Variants in CACNA2D3 observed in about 807,000 individuals in gnomAD.
CACNA2D3 encodes the protein calcium voltage-gated channel auxiliary subunit alpha2delta 3, also known as voltage-dependent calcium channel subunit alpha-2/delta-3.
CACNA2D3 carries 60 observed loss-of-function variants against 160.6 expected under a neutral mutation model. That is an observed-to-expected ratio of 0.37 (90% CI 0.30 to 0.46). The LOEUF is 0.46. CACNA2D3 is among the 20% of genes least tolerant of loss of function. CACNA2D3 has a pLI of 1.00. For missense variants in CACNA2D3, 1,205 were observed against 1,365.0 expected (o/e 0.88, Z 1.85); for synonymous variants, 558 against 492.9 (o/e 1.13, Z -1.75).
Position 54,887,997 on chromosome 3 carries a change from G to T in CACNA2D3, c.2095G>T (p.Val699Leu), listed in dbSNP as rs1699966099. The change falls in exon 24 of 38, where the codon GTG becomes TTG. Residue 699 changes from valine (V) to leucine (L), a missense_variant. This residue lies in a region of CACNA2D3 where 911 missense variants were observed against 1,002.2 expected (regional missense o/e 0.91). Coordinates refer to ENST00000474759, the MANE Select transcript of CACNA2D3 (RefSeq NM_018398.3). ...ELIQEVLFDA[V>L]VSAPIEAYWT... is the part of the protein sequence containing the mutation. ...GATCCAAGAAGTCCTTTTTGACGCG[G>T]TGGTGAGTGCCCCCATTGAAGCGTA... 2 of 1,613,806 alleles carry T rather than the reference G, an allele frequency of 1.2e-6. No individual in the cohort carries two copies. The highest frequency in any genetic ancestry group is 1.7e-6 in the Non-Finnish European group (2 of 1,179,866).
chr3:54,715,474 A>G (rs1001989694), intron 11 of CACNA2D3, among the ~76,000 whole-genome samples: 1 of 151,936 alleles, frequency 6.6e-6, no homozygotes, highest in Admixed American at 6.6e-5. Context: ...TTGTTTATTA[A>G]CTCAACATTC....
At chr3:54,750,925 A>C (rs10865989) in intron 11 of CACNA2D3, among the ~76,000 whole-genome samples, 64,258 of 151,656 alleles carry the variant, frequency 0.42, 14,707 homozygotes, top group East Asian at 0.52. Flanking sequence ...GCATGCCACC[A>C]TGCACAGCTA....
chr3:54,324,156 T>G (rs1259407324), intron 3 of CACNA2D3, among the ~76,000 whole-genome samples: 2 of 152,220 alleles, frequency 1.3e-5, no homozygotes, highest in African/African-American at 4.8e-5. Context: ...TAATGTAGCC[T>G]GTCATCTCCT....
At chr3:54,870,643 C>T (rs531274935) in intron 17 of CACNA2D3, among the ~76,000 whole-genome samples, 1 of 152,246 alleles carries the variant, frequency 6.6e-6, no homozygotes, top group East Asian at 1.9e-4. Flanking sequence ...TGACTAACAC[C>T]AGTGATTTAG....
chr3:54,470,989 A>G (rs567636301), intron 4 of CACNA2D3, among the ~76,000 whole-genome samples: 2 of 152,224 alleles, frequency 1.3e-5, no homozygotes, highest in African/African-American at 2.4e-5. Flanking sequence ...ACCACTGTCA[A>G]TATTAGATCA....
At chr3:54,438,187 G>A (rs1414402252) in intron 4 of CACNA2D3, among the ~76,000 whole-genome samples, 1 of 152,166 alleles carries the variant, frequency 6.6e-6, no homozygotes, top group Non-Finnish European at 1.5e-5. Flanking sequence ...TGGTTTCTAA[G>A]TGAATCTTTC....
chr3:54,637,340 TG>T (rs939322159), intron 10 of CACNA2D3, among the ~76,000 whole-genome samples: 8 of 150,802 alleles, frequency 5.3e-5, no homozygotes, highest in Non-Finnish European at 1.0e-4. Context: ...TGGGTTAAGG[TG>T]GGGGGATACA....
At chr3:54,279,256 A>G (rs1702816896) in intron 2 of CACNA2D3, among the ~76,000 whole-genome samples, 1 of 152,198 alleles carries the variant, frequency 6.6e-6, no homozygotes, top group Non-Finnish European at 1.5e-5. Context: ...ACGAATGGAA[A>G]TAATTGAAAC....
intron 2 of CACNA2D3, among the ~76,000 whole-genome samples, chr3:54,301,736 G>T (rs114640311): frequency 0.01 from 1,549 of 151,976 alleles, 33 homozygotes; most frequent in African/African-American, 0.036. Context: ...ACACATGGGC[G>T]CACACACACA....
In CACNA2D3 at chr3:54,837,180, G is replaced by T. The variant is rs376945763; in HGVS notation, c.1420G>T (p.Val474Phe). 6.2e-7 allele frequency: 1 copy of T among 1,613,770 alleles called. No individual in the cohort carries two copies. Among genetic ancestry groups the T allele is most frequent in the Admixed American group, 1.7e-5 (1 of 59,996 alleles). Residue 474 changes from valine (V) to phenylalanine (F), a missense_variant, in exon 15 of 38, where the codon GTC becomes TTC. Coordinates refer to ENST00000474759, the MANE Select transcript of CACNA2D3 (RefSeq NM_018398.3). ...CCAGCTGACTGATGATCAGGGCCCC[G>T]TCCTGATGACCACTGTAGCCATGCC... is the stretch of plus-strand genomic sequence containing the variant. The part of the protein sequence containing the change: ...AQKLTDDQGP[V>F]LMTTVAMPVF...
At chr3:54,269,733 C>G (rs1312397308) in intron 2 of CACNA2D3, among the ~76,000 whole-genome samples, 1 of 152,098 alleles carries the variant, frequency 6.6e-6, no homozygotes, top group African/African-American at 2.4e-5. Context: ...TGGGAGTTAT[C>G]TTGGCAAAAA....
intron 35 of CACNA2D3, among the ~76,000 whole-genome samples, chr3:55,021,558 C>A (rs1214199547): frequency 6.7e-6 from 1 of 148,242 alleles, no homozygotes; most frequent in Non-Finnish European, 1.5e-5. Context: ...ATATATATGT[C>A]TAGGTATACA....
At chr3:54,231,677 A>C (rs1701771925) in intron 2 of CACNA2D3, among the ~76,000 whole-genome samples, 2 of 152,248 alleles carry the variant, frequency 1.3e-5, no homozygotes, top group South Asian at 4.1e-4. Context: ...CTAGTGTGTA[A>C]TAAACTACTA....
intron 13 of CACNA2D3, among the ~76,000 whole-genome samples, chr3:54,807,517 A>C (rs1259261467): frequency 6.6e-6 from 1 of 152,148 alleles, no homozygotes; most frequent in East Asian, 1.9e-4. Flanking sequence ...ACCATCTCAC[A>C]CCAGTTAGAA....
intron 4 of CACNA2D3, among the ~76,000 whole-genome samples, chr3:54,441,564 G>T (rs1243052568): frequency 6.6e-6 from 1 of 152,188 alleles, no homozygotes; most frequent in African/African-American, 2.4e-5. Flanking sequence ...CCTTGCCCAT[G>T]CCTATGTCCT....
At chr3:54,291,726 T>C (rs1423335570) in intron 2 of CACNA2D3, among the ~76,000 whole-genome samples, 1 of 152,192 alleles carries the variant, frequency 6.6e-6, no homozygotes, top group Non-Finnish European at 1.5e-5. Context: ...CAAACTGTGA[T>C]CGTGGAGCAG....
At chr3:54,790,730 G>T (rs1196104265) in intron 13 of CACNA2D3, among the ~76,000 whole-genome samples, 1 of 152,072 alleles carries the variant, frequency 6.6e-6, no homozygotes, top group Non-Finnish European at 1.5e-5. Context: ...CGCACCTCTG[G>T]AGCCTGATCA....
At chr3:54,209,918 G>A (rs574939693) in intron 2 of CACNA2D3, among the ~76,000 whole-genome samples, 100 of 152,312 alleles carry the variant, frequency 6.6e-4, no homozygotes, top group Admixed American at 3.6e-3. Context: ...TGTTGCATGT[G>A]TATCTCTTTT....
chr3:54,294,221 G>C (rs937876845), intron 2 of CACNA2D3, among the ~76,000 whole-genome samples: 2 of 152,184 alleles, frequency 1.3e-5, no homozygotes, highest in African/African-American at 4.8e-5. Flanking sequence ...ACCCTGTGTT[G>C]TCATTTTAGA....
Sources: allele counts gnomAD v4.1 joint callset (sites outside exome capture counted in the v4.1 genomes callset), GRCh38; gene constraint gnomAD v4.1.1; regional missense constraint gnomAD v4.1.1; transcripts MANE v1.5; gene names NCBI Gene and HGNC (gene_info 2026-07-23, HGNC 2026-07-21).